The following DLGAP1 variants were observed in gnomAD, a reference collection of about 807,000 sequenced individuals.
The protein encoded by DLGAP1 is disks large-associated protein 1.
DLGAP1 carries 11 observed loss-of-function variants against 90.8 expected under a neutral mutation model. The ratio of observed to expected loss-of-function variants is 0.12; its 90% confidence interval spans 0.08 to 0.20. DLGAP1 has a LOEUF of 0.20. Among genes scored for constraint, DLGAP1 ranks in the 10% least tolerant of loss-of-function variants. DLGAP1 has a pLI of 1.00. For synonymous variants in DLGAP1, 558 were observed against 540.7 expected (o/e 1.03, Z -0.44); for missense variants, 1,050 against 1,333.8 (o/e 0.79, Z 3.31).
chr18:3,707,436 A>G (rs2061468812), intron 7 of DLGAP1, among the ~76,000 whole-genome samples: 1 of 152,024 alleles, frequency 6.6e-6, no homozygotes, highest in Non-Finnish European at 1.5e-5. Flanking sequence ...CATCTCTACT[A>G]AAAGTACAAA....
At chr18:3,709,208 T>A (rs1383202901) in intron 7 of DLGAP1, among the ~76,000 whole-genome samples, 1 of 152,038 alleles carries the variant, frequency 6.6e-6, no homozygotes, top group African/African-American at 2.4e-5. Flanking sequence ...CTAAATAAAA[T>A]GAGAAAGCTG....
intron 1 of DLGAP1, among the ~76,000 whole-genome samples, chr18:4,330,392 T>C (rs995736790): frequency 7.9e-5 from 12 of 151,788 alleles, no homozygotes; most frequent in Non-Finnish European, 1.5e-4. Flanking sequence ...CACTATTTCC[T>C]TTTTTCTGTT....
chr18:4,397,090 A>T (rs920705219), intron 1 of DLGAP1, among the ~76,000 whole-genome samples: 3 of 152,194 alleles, frequency 2.0e-5, no homozygotes, highest in Admixed American at 1.3e-4. Flanking sequence ...CTGAGGCTCC[A>T]TGCCTTTACT....
At chr18:4,031,038 C>T (rs938796938) in intron 2 of DLGAP1, among the ~76,000 whole-genome samples, 4 of 152,142 alleles carry the variant, frequency 2.6e-5, no homozygotes, top group African/African-American at 9.7e-5. Context: ...CCCTATATCT[C>T]GTTCACTGGC....
rs530345061 is a variant in DLGAP1 at position 4,261,393 on chromosome 18, TGGA to T, written c.-266-110109_-266-110107del. 1.1e-4 allele frequency among the ~76,000 whole-genome samples: 16 copies of T among 152,308 alleles called. 1 individual carries two copies. Among genetic ancestry groups the T allele is most frequent in the African/African-American group, 3.1e-4 (13 of 41,564 alleles). ...ACTTTTACTCTATCTTCTAGCATTA[TGGA>T]GCCCCTTAGATTTTCCTCATATGCT... On this transcript the variant is annotated intron_variant, in intron 1 of 12. Coordinates refer to ENST00000315677, the MANE Select transcript of DLGAP1 (RefSeq NM_004746.4).
intron 3 of DLGAP1, among the ~76,000 whole-genome samples, chr18:3,934,167 C>T (rs2072583386): frequency 6.6e-6 from 1 of 152,156 alleles, no homozygotes; most frequent in African/African-American, 2.4e-5. Flanking sequence ...CAGCCTTTTC[C>T]CTTAAAGCCT....
At chr18:4,343,082 C>T (rs544983595) in intron 1 of DLGAP1, among the ~76,000 whole-genome samples, 8 of 151,866 alleles carry the variant, frequency 5.3e-5, no homozygotes, top group East Asian at 1.9e-4. Context: ...CCGAGGCAGG[C>T]GGATCACGAG....
intron 4 of DLGAP1, among the ~76,000 whole-genome samples, chr18:3,814,901 CATT>C (rs892572622): frequency 2.0e-5 from 3 of 152,152 alleles, no homozygotes; most frequent in African/African-American, 7.2e-5. Context: ...AAACTTTAGA[CATT>C]AACCTTTCAA....
chr18:3,525,254 A>T (rs2095097795), intron 10 of DLGAP1, among the ~76,000 whole-genome samples: 1 of 152,164 alleles, frequency 6.6e-6, no homozygotes. Flanking sequence ...CAGCCACGAA[A>T]TGGTAGCATC....
intron 1 of DLGAP1, among the ~76,000 whole-genome samples, chr18:4,445,238 T>C (rs918710672): frequency 2.0e-5 from 3 of 152,026 alleles, no homozygotes; most frequent in Non-Finnish European, 4.4e-5. Flanking sequence ...ACTCCCAATA[T>C]CTTTACACTC....
intron 1 of DLGAP1, among the ~76,000 whole-genome samples, chr18:4,225,620 A>T (rs1339701373): frequency 1.3e-5 from 2 of 151,922 alleles, no homozygotes; most frequent in Admixed American, 1.3e-4. Flanking sequence ...AATTATTAAA[A>T]GAAATCAAGC....
At chr18:3,553,315 G>A (rs761004146) in intron 9 of DLGAP1, among the ~76,000 whole-genome samples, 2 of 152,234 alleles carry the variant, frequency 1.3e-5, no homozygotes, top group East Asian at 1.9e-4. Flanking sequence ...TTAAATGTTC[G>A]TGGAAAAAGT....
chr18:4,306,033 TACACACAC>T lies in DLGAP1; in HGVS notation c.-267+148965_-267+148972del, dbSNP rs3041181. 5.9e-3 allele frequency among the ~76,000 whole-genome samples: 833 copies of T among 142,198 alleles called. 6 individuals carry two copies. The highest frequency in any genetic ancestry group is 8.1e-3 in the Non-Finnish European group (539 of 66,288). 93.3% of individuals were successfully genotyped at this position (142,198 alleles called of 152,430 possible). On this transcript the variant is annotated intron_variant, in intron 1 of 12. Transcript: ENST00000315677. ...ACACACACACACAGACACACACAAA[TACACACAC>T]ACACACACACACACACACACACACG...
At position 4,200,521 on chromosome 18, in the gene DLGAP1, AAAG is replaced by A. The variant is rs569688735; in HGVS notation, c.-266-49237_-266-49235del. Reference sequence around the variant, plus strand: ...TTATAAGATATGTAACATCACTCACAAAGAAGGACATATTTTGCTGTTCCTAAT... The same window carrying A: ...TTATAAGATATGTAACATCACTCACAAAGGACATATTTTGCTGTTCCTAAT... On this transcript the variant is annotated intron_variant, in intron 1 of 12. Transcript: ENST00000315677. 3.0e-3 allele frequency among the ~76,000 whole-genome samples: 455 copies of A among 151,818 alleles called. 1 individual carries two copies. The highest frequency in any genetic ancestry group is 4.4e-3 in the Non-Finnish European group (299 of 67,814).
intron 3 of DLGAP1, among the ~76,000 whole-genome samples, chr18:3,951,123 A>G (rs1024728844): frequency 6.6e-6 from 1 of 152,242 alleles, no homozygotes; most frequent in African/African-American, 2.4e-5. Context: ...TAGTTCCTAC[A>G]TGTTTGCCCC....
chr18:4,135,021 C>T (rs1360579308), intron 2 of DLGAP1, among the ~76,000 whole-genome samples: 1 of 152,056 alleles, frequency 6.6e-6, no homozygotes, highest in Non-Finnish European at 1.5e-5. Flanking sequence ...TGGCCGGAAA[C>T]TGAAACACAG....
intron 2 of DLGAP1, among the ~76,000 whole-genome samples, chr18:4,034,926 GTCT>G (rs1214697945): frequency 6.7e-6 from 1 of 150,110 alleles, no homozygotes; most frequent in Non-Finnish European, 1.5e-5. Context: ...AAAAAAAAAA[GTCT>G]TCTTGTTCTG....
chr18:4,446,279 T>C (rs999071233), intron 1 of DLGAP1, among the ~76,000 whole-genome samples: 3 of 152,118 alleles, frequency 2.0e-5, no homozygotes, highest in Admixed American at 1.3e-4. Flanking sequence ...TGTTGCTCTT[T>C]TGGGGGGCTC....
chr18:3,876,234 G>A (rs1418890996), intron 4 of DLGAP1, among the ~76,000 whole-genome samples: 1 of 152,062 alleles, frequency 6.6e-6, no homozygotes, highest in Non-Finnish European at 1.5e-5. Flanking sequence ...CCAGTTCTCA[G>A]GAGGTATTTT....
Sources: allele counts gnomAD v4.1 joint callset (sites outside exome capture counted in the v4.1 genomes callset), GRCh38; gene constraint gnomAD v4.1.1; transcripts MANE v1.5; gene names NCBI Gene and HGNC (gene_info 2026-07-23, HGNC 2026-07-21).